VPS13B: variants seen among roughly 807,000 people sequenced by gnomAD.
The protein encoded by VPS13B is vacuolar protein sorting 13 homolog B, also known as intermembrane lipid transfer protein VPS13B.
In VPS13B, 285 loss-of-function variants were observed where a neutral mutation model predicts 426.4. The observed-to-expected ratio is 0.67, with a 90% CI of 0.61 to 0.74. The LOEUF (loss-of-function observed/expected upper bound fraction) is 0.74, where lower values mean the gene tolerates loss of function less well. VPS13B is among the 30% of genes least tolerant of loss of function. VPS13B has a pLI of 0.00. For missense variants in VPS13B, 4,537 were observed against 4,782.6 expected, an observed-to-expected ratio of 0.95 and a Z score of 1.51; for synonymous variants, 1,676 against 1,676.4, an observed-to-expected ratio of 1.00 and a Z score of 0.01.
intron 3 of VPS13B, among the ~76,000 whole-genome samples, chr8:99,060,222 C>A (rs1217263528): frequency 6.6e-6 from 1 of 152,124 alleles, no homozygotes; most frequent in Admixed American, 6.5e-5. Flanking sequence ...TCTTGAACTT[C>A]AGCTTGTGTC....
At chr8:99,584,870 A>T (rs1826231430) in intron 33 of VPS13B, among the ~76,000 whole-genome samples, 1 of 152,194 alleles carries the variant, frequency 6.6e-6, no homozygotes, top group African/African-American at 2.4e-5. Flanking sequence ...TTCTGCTTTC[A>T]TGTCTAATGC....
intron 57 of VPS13B, among the ~76,000 whole-genome samples, chr8:99,860,536 G>GT (rs1816783393): frequency 1.3e-5 from 2 of 152,190 alleles, no homozygotes; most frequent in African/African-American, 4.8e-5. Context: ...CTCACTGAAT[G>GT]TTTTTTACAC....
At chr8:99,695,388 G>A (rs998025858) in intron 35 of VPS13B, among the ~76,000 whole-genome samples, 8 of 150,896 alleles carry the variant, frequency 5.3e-5, no homozygotes, top group Admixed American at 1.3e-4. Flanking sequence ...ATGAGTTCAT[G>A]TCCTTTGTAG....
intron 34 of VPS13B, among the ~76,000 whole-genome samples, chr8:99,650,760 A>G (rs1325990371): frequency 6.6e-6 from 1 of 152,196 alleles, no homozygotes; most frequent in African/African-American, 2.4e-5. Context: ...ATTGCAGGTA[A>G]CTGAAACCAC....
At chr8:99,855,119 T>C (rs1448541793) in intron 56 of VPS13B, among the ~76,000 whole-genome samples, 3 of 152,186 alleles carry the variant, frequency 2.0e-5, no homozygotes, top group African/African-American at 7.2e-5. Flanking sequence ...CTCACACCTG[T>C]AATCCCAGCA....
intron 34 of VPS13B, among the ~76,000 whole-genome samples, chr8:99,656,620 A>AGGAGT (rs1830027897): frequency 6.6e-6 from 1 of 152,170 alleles, no homozygotes; most frequent in African/African-American, 2.4e-5. Context: ...CAGGAAGACT[A>AGGAGT]GGAGTCATGC....
intron 3 of VPS13B, among the ~76,000 whole-genome samples, chr8:99,087,416 G>A (rs903124284): frequency 6.6e-6 from 1 of 152,046 alleles, no homozygotes; most frequent in African/African-American, 2.4e-5. Flanking sequence ...GGGTGAGGCA[G>A]TGCCTCACCC....
At chr8:99,713,213 G>A (rs780296065) in intron 36 of VPS13B, among the ~76,000 whole-genome samples, 4 of 152,134 alleles carry the variant, frequency 2.6e-5, no homozygotes, top group Non-Finnish European at 4.4e-5. Flanking sequence ...CCACTATAGC[G>A]TGAGAAAGGA....
intron 27 of VPS13B, among the ~76,000 whole-genome samples, chr8:99,503,764 C>G (rs1821355596): frequency 1.3e-5 from 2 of 152,152 alleles, no homozygotes. Context: ...TTGTTTTCAC[C>G]ACATCTACCA....
At chr8:99,801,908 G>A (rs948965334) in intron 43 of VPS13B, among the ~76,000 whole-genome samples, 2 of 152,124 alleles carry the variant, frequency 1.3e-5, no homozygotes, top group African/African-American at 4.8e-5. Flanking sequence ...CCAGTACTTG[G>A]GGAGGCAAAG....
intron 7 of VPS13B, 76 bp downstream of exon 7, chr8:99,115,950 A>T: frequency 1.4e-6 from 2 of 1,461,430 alleles, no homozygotes; most frequent in Non-Finnish European, 1.9e-6. Context: ...AACTTTAAAA[A>T]ATGTATTAGC....
chr8:99,252,746 G>T (rs1372060039), intron 17 of VPS13B, among the ~76,000 whole-genome samples: 1 of 151,842 alleles, frequency 6.6e-6, no homozygotes, highest in Non-Finnish European at 1.5e-5. Flanking sequence ...TCTTTTCAGA[G>T]GATTGGCTCT....
chr8:99,641,742 A>G, intron 33 of VPS13B, 69 bp from the exon 34 acceptor site: 1 of 1,439,848 alleles, frequency 6.9e-7, no homozygotes, highest in South Asian at 1.3e-5. Flanking sequence ...CAACATGTTT[A>G]TATAACATTG....
intron 29 of VPS13B, among the ~76,000 whole-genome samples, chr8:99,520,389 T>TTGTGTGTGTGTGTGTGTGTGTG (rs140216567): frequency 7.2e-6 from 1 of 138,496 alleles, no homozygotes; most frequent in Admixed American, 7.3e-5. Flanking sequence ...GTGATATACT[T>TTGTGTGTGTGTGTGTGTGTGTG]TGTGTGTGTG....
At chr8:99,553,635 C>T (rs1232426538) in intron 30 of VPS13B, among the ~76,000 whole-genome samples, 1 of 152,044 alleles carries the variant, frequency 6.6e-6, no homozygotes, top group African/African-American at 2.4e-5. Context: ...TAAATAATTT[C>T]TGCAAGCTCA....
chr8:99,502,567 T>G lies in VPS13B; in HGVS notation c.4043-269T>G, dbSNP rs117362667. On this transcript the variant is annotated intron_variant, in intron 26 of 61. Coordinates refer to ENST00000357162, the MANE Select transcript of VPS13B (RefSeq NM_152564.5). ...CCTCAATGGTCATATTGATACATTA[T>G]AGTATTGTCACTAAAAGTATTGGGA... is the stretch of plus-strand genomic sequence containing the variant. Among the ~76,000 whole-genome samples the G allele has an allele frequency of 7.3e-4, 111 of 152,306 alleles. 1 individual carries two copies. In the East Asian group the frequency reaches 0.02, roughly 28 times the overall value.
In VPS13B at chr8:99,556,578, G is replaced by C; in HGVS notation, c.4874G>C (p.Ser1625Thr). ...CATCAACTAAAACCAGAGAAGGAAA[G>C]TGTCTCAGGAGGGGTGGTAACAGAG... ...QWHQLKPEKESVSGGVVTETE... is the reference protein window; with the variant it reads ...QWHQLKPEKETVSGGVVTETE... The change falls in exon 31 of 62, where the codon AGT becomes ACT. Residue 1625 changes from serine to threonine, a missense_variant. Ser to Thr is a moderately conservative substitution (Grantham distance 58). Around this residue, in one of 2 missense-constraint regions of VPS13B, gnomAD observed 4,311 missense variants for 4,474.3 expected, o/e 0.96. Coordinates refer to ENST00000357162, the MANE Select transcript of VPS13B (RefSeq NM_152564.5). 6.2e-7 allele frequency: 1 copy of C among 1,613,150 alleles called. No individual in the cohort carries two copies. The highest frequency in any genetic ancestry group is 8.5e-7 in the Non-Finnish European group (1 of 1,179,430).
At chr8:99,577,424 GAA>G in intron 32 of VPS13B, 64 bp from the exon 33 acceptor site, 1 of 1,602,928 alleles carries the variant, frequency 6.2e-7, no homozygotes, top group Non-Finnish European at 8.5e-7. Flanking sequence ...AAATAAGTAA[GAA>G]TGATAAATTA....
At chr8:99,208,955 A>G (rs1425993898) in intron 17 of VPS13B, among the ~76,000 whole-genome samples, 3 of 152,200 alleles carry the variant, frequency 2.0e-5, no homozygotes, top group Non-Finnish European at 4.4e-5. Flanking sequence ...GTTGGGTTCT[A>G]GTTTTCAGAG....
Sources: gnomAD v4.1 joint callset for allele counts (sites outside exome capture counted in the v4.1 genomes callset) on GRCh38, gnomAD v4.1.1 for gene constraint, gnomAD v4.1.1 regional missense constraint, MANE v1.5 for transcripts, NCBI Gene and HGNC (gene_info 2026-07-23, HGNC 2026-07-21) for gene names.